The following PDE1C variants were observed in gnomAD, a reference collection of about 807,000 sequenced individuals.
PDE1C encodes the protein phosphodiesterase 1C, also known as dual specificity calcium/calmodulin-dependent 3',5'-cyclic nucleotide phosphodiesterase 1C.
Under a neutral mutation model 93.1 loss-of-function variants are expected in PDE1C, and 62 were observed. The ratio of observed to expected loss-of-function variants is 0.67; its 90% confidence interval spans 0.54 to 0.82. The LOEUF is 0.82. Among genes scored for constraint, PDE1C ranks in the 40% least tolerant of loss-of-function variants. The pLI, the probability that PDE1C is intolerant of heterozygous loss-of-function variation, is 0.00. For missense variants in PDE1C, 742 were observed against 884.6 expected, an observed-to-expected ratio of 0.84 and a Z score of 2.04; for synonymous variants, 325 against 310.1, an observed-to-expected ratio of 1.05 and a Z score of -0.50.
rs570394209 is a variant in PDE1C, at chr7:32,238,357, A to G, written c.86-28818T>C. ...TAAAAGATAGTAAAGAAGATCAGAT[A>G]TTGATCCTCTTCATGAATAGGAAGA... On this transcript the variant is annotated intron_variant, in intron 1 of 18. Transcript: ENST00000396193. Among the ~76,000 whole-genome samples, 21 of 152,352 alleles carry G rather than the reference A, an allele frequency of 1.4e-4. No homozygotes were observed. The South Asian group carries it at 4.3e-3, about 32-fold the overall frequency.
chr7:31,624,176 C>T, the PDE1C span, among the ~76,000 whole-genome samples: 5 of 149,776 alleles, frequency 3.3e-5, no homozygotes, highest in African/African-American at 7.3e-5. Flanking sequence ...GAGTCAATAT[C>T]GTGAAAATGG....
chr7:31,651,547 A>G, the PDE1C span, among the ~76,000 whole-genome samples: 1 of 152,084 alleles, frequency 6.6e-6, no homozygotes, highest in Non-Finnish European at 1.5e-5. Flanking sequence ...GCTCGTGCAA[A>G]TGCAAATGTG....
intron 1 of PDE1C, chr7:32,052,244 A>C (rs1410393679): frequency 2.2e-6 from 1 of 462,052 alleles, no homozygotes; most frequent in East Asian, 6.5e-5. Context: ...GAAGCAGAAG[A>C]GACCCAGTTC....
chr7:32,313,388 C>T (rs1301408290), intron 1 of PDE1C, among the ~76,000 whole-genome samples: 1 of 151,634 alleles, frequency 6.6e-6, no homozygotes, highest in African/African-American at 2.4e-5. Context: ...TTTGACTCAG[C>T]CATCCCATTA....
At chr7:32,357,567 G>T (rs949312836) in intron 1 of PDE1C, among the ~76,000 whole-genome samples, 8 of 152,134 alleles carry the variant, frequency 5.3e-5, no homozygotes, top group Non-Finnish European at 8.8e-5. Context: ...TAGAAAGTGG[G>T]TATTCAAATA....
intron 3 of PDE1C, chr7:32,169,780 C>T: frequency 6.2e-7 from 1 of 1,612,034 alleles, no homozygotes. Context: ...TGCAATCCAC[C>T]AAACCTGAAG....
At chr7:32,295,540 C>T (rs949558057) in intron 1 of PDE1C, among the ~76,000 whole-genome samples, 1 of 152,104 alleles carries the variant, frequency 6.6e-6, no homozygotes, top group Non-Finnish European at 1.5e-5. Context: ...TTTTAAAGTT[C>T]CTAAAAATGT....
intron 3 of PDE1C, among the ~76,000 whole-genome samples, chr7:32,127,102 T>C (rs980132728): frequency 1.3e-5 from 2 of 152,084 alleles, no homozygotes; most frequent in Admixed American, 6.5e-5. Flanking sequence ...CTGGCTTGAG[T>C]TGGGACATTA....
At chr7:32,383,929 T>C (rs1245859020) in intron 1 of PDE1C, among the ~76,000 whole-genome samples, 1 of 152,146 alleles carries the variant, frequency 6.6e-6, no homozygotes, top group Non-Finnish European at 1.5e-5. Context: ...AATGAGGAAA[T>C]AGTTCCCATT....
chr7:31,904,964 A>G (rs1173623796), intron 2 of PDE1C, among the ~76,000 whole-genome samples: 3 of 152,122 alleles, frequency 2.0e-5, no homozygotes, highest in Non-Finnish European at 2.9e-5. Flanking sequence ...TCTTTTATAT[A>G]TTGGCTGAAC....
intron 2 of PDE1C, among the ~76,000 whole-genome samples, chr7:31,948,592 C>T (rs1186855246): frequency 6.6e-6 from 1 of 152,100 alleles, no homozygotes; most frequent in Non-Finnish European, 1.5e-5. Flanking sequence ...CTTCTCCGGG[C>T]CCTTTTCTTC....
chr7:32,207,966 C>T (rs1805721271), intron 2 of PDE1C, among the ~76,000 whole-genome samples: 1 of 152,156 alleles, frequency 6.6e-6, no homozygotes. Flanking sequence ...CTGACAACTG[C>T]TCAGGAGATG....
At chr7:31,942,480 A>G (rs1192350332) in intron 2 of PDE1C, among the ~76,000 whole-genome samples, 1 of 152,132 alleles carries the variant, frequency 6.6e-6, no homozygotes, top group Non-Finnish European at 1.5e-5. Flanking sequence ...TCCCAGAAGA[A>G]ATATACCCTA....
rs760421377 is a variant in PDE1C at position 31,753,505 on chromosome 7, C to G, written c.2009G>C (p.Ser670Thr). 2.5e-6 allele frequency: 4 copies of G among 1,612,098 alleles called. No homozygotes were observed. In the South Asian group the frequency reaches 4.4e-5, roughly 18 times the overall value. The change falls in exon 18 of 18, where the codon AGC becomes ACC. Residue 670 changes from serine (S) to threonine (T), a missense_variant. By Grantham distance (58) the Ser-to-Thr change is moderately conservative. Coordinates refer to ENST00000396191, the MANE Select transcript of PDE1C (RefSeq NM_001191057.4). ...RHFKRPAYAS[S>T]SYAPSVSKKT... ...CTTTGAGACTGAAGGTGCATAGGAGCTAGATGCGTAAGCAGGGCGTTTAAA... is the reference window on the plus strand; with the variant it reads ...CTTTGAGACTGAAGGTGCATAGGAGGTAGATGCGTAAGCAGGGCGTTTAAA...
intron 3 of PDE1C, among the ~76,000 whole-genome samples, chr7:32,160,113 CGGGAA>C (rs1346950784): frequency 1.3e-5 from 2 of 152,076 alleles, no homozygotes; most frequent in Admixed American, 1.3e-4. Context: ...GAAATAAAGG[CGGGAA>C]GGGGAGTCAG....
rs772591897 is a variant in PDE1C at position 31,823,163 on chromosome 7, C to G, written c.1492G>C (p.Val498Leu). The change falls in exon 14 of 18, where the codon GTC becomes CTC. Residue 498 changes from valine to leucine, a missense_variant. Transcript: ENST00000396191. Reference sequence around the variant, plus strand: ...AAGCTCTTATAGTCAACGGAGATGACAGAATTGTTGATCGGGGCACTTCCC... The same window carrying G: ...AAGCTCTTATAGTCAACGGAGATGAGAGAATTGTTGATCGGGGCACTTCCC... The part of the protein sequence containing the change: ...SEGSAPINNS[V>L]ISVDYKSFKA... 1 of 1,613,362 alleles carries G rather than the reference C, an allele frequency of 6.2e-7. No individual in the cohort carries two copies. The highest frequency in any genetic ancestry group is 1.3e-5 in the African/African-American group (1 of 74,978).
intron 2 of PDE1C, among the ~76,000 whole-genome samples, chr7:31,990,540 C>G (rs2129074734): frequency 6.6e-6 from 1 of 152,204 alleles, no homozygotes; most frequent in Non-Finnish European, 1.5e-5. Flanking sequence ...AGAAGGATGG[C>G]TAACCCACAC....
chr7:31,716,660 G>A, the PDE1C span, among the ~76,000 whole-genome samples: 85 of 152,184 alleles, frequency 5.6e-4, 1 homozygote, highest in Non-Finnish European at 2.2e-4. Context: ...TGCACAGACA[G>A]CAAACCACGT....
chr7:32,187,289 TG>T (rs1484645521), intron 2 of PDE1C, among the ~76,000 whole-genome samples: 1 of 152,100 alleles, frequency 6.6e-6, no homozygotes, highest in East Asian at 1.9e-4. Flanking sequence ...CAGCCATGCC[TG>T]GCTGATAGTT....
Sources: allele counts gnomAD v4.1 joint callset (sites outside exome capture counted in the v4.1 genomes callset), GRCh38; gene constraint gnomAD v4.1.1; transcripts MANE v1.5; gene names NCBI Gene and HGNC (gene_info 2026-07-23, HGNC 2026-07-21).